Variants in IL1RAPL1 observed in about 807,000 individuals in gnomAD.
IL1RAPL1 encodes the protein interleukin 1 receptor accessory protein like 1, also known as interleukin-1 receptor accessory protein-like 1.
In IL1RAPL1, 3 loss-of-function variants were observed where a neutral mutation model predicts 48.4. The ratio of observed to expected loss-of-function variants is 0.06; its 90% CI spans 0.03 to 0.16. IL1RAPL1 has a LOEUF of 0.16. Among genes scored for constraint, IL1RAPL1 ranks in the 10% least tolerant of loss-of-function variants. The probability of loss-of-function intolerance (pLI) is 1.00; values close to 1 mark genes in which losing one functional copy is unlikely to be tolerated. For missense variants in IL1RAPL1, 349 were observed against 530.6 expected (o/e 0.66, Z 3.36); for synonymous variants, 185 against 187.7 (o/e 0.99, Z 0.12).
At chrX:29,419,678 C>T (rs1473939389) in intron 5 of IL1RAPL1, among the ~76,000 whole-genome samples, 1 of 112,381 alleles carries the variant, frequency 8.9e-6, no homozygotes, top group Non-Finnish European at 1.9e-5. Flanking sequence ...ATTCAGAGTT[C>T]TAGAGCATAA....
intron 6 of IL1RAPL1, among the ~76,000 whole-genome samples, chrX:29,868,132 G>A (rs758013619): frequency 6.2e-5 from 7 of 112,037 alleles, no homozygotes; most frequent in African/African-American, 1.6e-4. Context: ...GTTCCTCAAC[G>A]CATAATCCTA....
At chrX:29,366,993 T>G (rs1416643746) in intron 3 of IL1RAPL1, among the ~76,000 whole-genome samples, 2 of 111,936 alleles carry the variant, frequency 1.8e-5, no homozygotes, top group African/African-American at 6.5e-5. Context: ...TATGAATTTA[T>G]TCAAGTTTTT....
chrX:28,936,784 T>C (rs1924027057), intron 2 of IL1RAPL1, among the ~76,000 whole-genome samples: 1 of 110,589 alleles, frequency 9.0e-6, no homozygotes, highest in Admixed American at 9.7e-5. Flanking sequence ...AGATTTTCCT[T>C]TCAACTCTAA....
chrX:29,783,937 A>G (rs1475113901), intron 6 of IL1RAPL1, among the ~76,000 whole-genome samples: 3 of 110,938 alleles, frequency 2.7e-5, no homozygotes, highest in Non-Finnish European at 5.7e-5. Flanking sequence ...TCATGAACCA[A>G]TTTTTTTTTA....
At chrX:29,017,190 G>A (rs1926260604) in intron 2 of IL1RAPL1, among the ~76,000 whole-genome samples, 1 of 112,159 alleles carries the variant, frequency 8.9e-6, no homozygotes, top group Non-Finnish European at 1.9e-5. Context: ...GTCATTTTAA[G>A]AAGAGAAAAA....
intron 2 of IL1RAPL1, among the ~76,000 whole-genome samples, chrX:29,115,400 T>C (rs1410290467): frequency 8.9e-6 from 1 of 111,822 alleles, no homozygotes; most frequent in Admixed American, 9.6e-5. Flanking sequence ...CTTGTAGTTC[T>C]GTCTGTCTAG....
chrX:29,869,151 A>T (rs1026211211), intron 6 of IL1RAPL1, among the ~76,000 whole-genome samples: 1 of 112,513 alleles, frequency 8.9e-6, no homozygotes, highest in Non-Finnish European at 1.9e-5. Flanking sequence ...TTGTAGTGTG[A>T]CAAAACAATG....
At chrX:29,237,871 A>C (rs1569266833) in intron 2 of IL1RAPL1, among the ~76,000 whole-genome samples, 2 of 112,449 alleles carry the variant, frequency 1.8e-5, no homozygotes, top group Admixed American at 1.9e-4. Flanking sequence ...GAAAGAAAAA[A>C]TAATCATGCT....
chrX:28,996,962 T>C (rs1483425837), intron 2 of IL1RAPL1, among the ~76,000 whole-genome samples: 1 of 111,894 alleles, frequency 8.9e-6, no homozygotes, highest in Non-Finnish European at 1.9e-5. Flanking sequence ...AGACTCATTC[T>C]TAAGTTAACA....
At chrX:28,837,020 T>C (rs1921238831) in intron 2 of IL1RAPL1, among the ~76,000 whole-genome samples, 1 of 110,871 alleles carries the variant, frequency 9.0e-6, no homozygotes, top group Non-Finnish European at 1.9e-5. Context: ...GAGTGGAAGA[T>C]AAAGATTTAA....
intron 6 of IL1RAPL1, among the ~76,000 whole-genome samples, chrX:29,691,814 A>G (rs1926783454): frequency 9.1e-6 from 1 of 110,079 alleles, no homozygotes; most frequent in Non-Finnish European, 1.9e-5. Context: ...TTTGCATCTA[A>G]GAGCATCTGA....
chrX:28,751,078 A>G (rs760400671), intron 1 of IL1RAPL1, among the ~76,000 whole-genome samples: 79 of 111,390 alleles, frequency 7.1e-4, no homozygotes, highest in Non-Finnish European at 1.3e-3. Flanking sequence ...AGGCCTATGA[A>G]TTTTTTATAA....
At position 29,941,778 on chromosome X, in the gene IL1RAPL1, T is replaced by C; in HGVS notation, c.1185T>C (p.Ala395=). 8.3e-7 allele frequency: 1 copy of C among 1,208,117 alleles called. No individual in the cohort carries two copies. The highest frequency in any genetic ancestry group is 1.1e-6 in the Non-Finnish European group (1 of 892,186). ...IMLFYRNHFG[A]EELDGDNKDY... is the part of the protein sequence containing the mutation. ...TCTTCTACAGGAATCATTTTGGAGC[T>C]GAAGAGCTCGATGGAGGTAGGATGT... Residue 395 remains alanine, a synonymous_variant, in exon 9 of 11, where the codon GCT becomes GCC. Coordinates refer to ENST00000378993, the MANE Select transcript of IL1RAPL1 (RefSeq NM_014271.4).
At position 29,627,501 on chromosome X, in the gene IL1RAPL1, G is replaced by A. The variant is rs186999134; in HGVS notation, c.704-40929G>A. Among the ~76,000 whole-genome samples the A allele has an allele frequency of 7.9e-4, 89 of 112,241 alleles. 1 individual carries two copies. Among genetic ancestry groups the A allele is most frequent in the African/African-American group, 2.8e-3 (87 of 30,921 alleles). On this transcript the variant is annotated intron_variant, in intron 5 of 10. Coordinates refer to ENST00000378993, the MANE Select transcript of IL1RAPL1 (RefSeq NM_014271.4). Reference sequence around the variant, plus strand: ...AACATTATTCAAGAAAGTATGTAATGTACAATGTTATTTACACCATCGATT... The same window carrying A: ...AACATTATTCAAGAAAGTATGTAATATACAATGTTATTTACACCATCGATT...
intron 5 of IL1RAPL1, among the ~76,000 whole-genome samples, chrX:29,571,132 G>A (rs1922582047): frequency 9.0e-6 from 1 of 110,940 alleles, no homozygotes; most frequent in African/African-American, 3.3e-5. Flanking sequence ...TGAGGCAGGA[G>A]AATGGCGTGA....
chrX:29,877,934 A>AT (rs1382743477), intron 6 of IL1RAPL1, among the ~76,000 whole-genome samples: 4 of 112,265 alleles, frequency 3.6e-5, no homozygotes, highest in Non-Finnish European at 5.6e-5. Context: ...GAAGACAGAC[A>AT]TTTTTGTCAA....
At chrX:29,536,114 A>C (rs1440267329) in intron 5 of IL1RAPL1, among the ~76,000 whole-genome samples, 2 of 112,229 alleles carry the variant, frequency 1.8e-5, no homozygotes, top group Non-Finnish European at 3.8e-5. Flanking sequence ...AAATGGATTC[A>C]GTCCCTGCTT....
intron 2 of IL1RAPL1, among the ~76,000 whole-genome samples, chrX:29,264,911 T>A (rs1307367303): frequency 9.0e-6 from 1 of 111,265 alleles, no homozygotes; most frequent in African/African-American, 3.3e-5. Context: ...GTTTCTTTAA[T>A]TTTTTTATTA....
intron 1 of IL1RAPL1, among the ~76,000 whole-genome samples, chrX:28,695,472 C>G (rs1398457965): frequency 8.9e-6 from 1 of 111,826 alleles, no homozygotes; most frequent in Non-Finnish European, 1.9e-5. Context: ...CTCAGACTTT[C>G]AGGGTGTTAA....
Sources: gnomAD v4.1 joint callset for allele counts (sites outside exome capture counted in the v4.1 genomes callset) on GRCh38, gnomAD v4.1.1 for gene constraint, MANE v1.5 for transcripts, NCBI Gene and HGNC (gene_info 2026-07-23, HGNC 2026-07-21) for gene names.